PROS1: variants seen among roughly 807,000 people sequenced by gnomAD.
The protein encoded by PROS1 is protein S.
In PROS1, 29 loss-of-function variants were observed where a neutral mutation model predicts 75.9. The observed-to-expected ratio is 0.38, with a 90% confidence interval of 0.28 to 0.52. The LOEUF is 0.52. Among genes scored for constraint, PROS1 ranks in the 20% least tolerant of loss-of-function variants. The pLI is 0.83. For missense variants in PROS1, 680 were observed against 810.3 expected (o/e 0.84, Z 1.95); for synonymous variants, 245 against 280.6 (o/e 0.87, Z 1.27).
chr3:93,971,666 C>CACATA (rs1461716510), intron 1 of PROS1, among the ~76,000 whole-genome samples: 4 of 151,224 alleles, frequency 2.6e-5, no homozygotes, highest in Non-Finnish European at 5.9e-5. Flanking sequence ...CACACACACA[C>CACATA]ACACATAAAT....
At position 93,973,831 on chromosome 3, in the gene PROS1, C is replaced by T; in HGVS notation, c.-82G>A. On this transcript the variant is annotated 5_prime_UTR_variant, in exon 1 of 15. Transcript: ENST00000394236. ...GCGCTAGGCGCCGCGGAGCTGCGAG[C>T]CTGTGCGCCTCGGTCTGAGCCGTGC... 1 of 1,252,102 alleles carries T rather than the reference C, an allele frequency of 8.0e-7. No homozygotes were observed. Among genetic ancestry groups the T allele is most frequent in the South Asian group, 1.4e-5 (1 of 69,356 alleles). The allele number at this position is 1,252,102 out of a possible 1,614,324, so 77.6% of individuals were successfully genotyped here.
At chr3:93,909,965 A>T (rs1708735808) in intron 4 of PROS1, among the ~76,000 whole-genome samples, 1 of 152,196 alleles carries the variant, frequency 6.6e-6, no homozygotes, top group Admixed American at 6.5e-5. Context: ...ACGTATTCAG[A>T]CAAACTGTAC....
chr3:93,917,330 G>C (rs1708872044), intron 3 of PROS1, among the ~76,000 whole-genome samples: 1 of 152,146 alleles, frequency 6.6e-6, no homozygotes, highest in South Asian at 2.1e-4. Flanking sequence ...TTGAGACAGA[G>C]TCTCTGTCGC....
chr3:93,891,125 T>A (rs1372021468), intron 10 of PROS1, among the ~76,000 whole-genome samples: 1 of 151,914 alleles, frequency 6.6e-6, no homozygotes, highest in Non-Finnish European at 1.5e-5. Flanking sequence ...ATAGTGATGA[T>A]AAATAAATAA....
At chr3:93,888,995 A>G (rs890486303) in intron 10 of PROS1, among the ~76,000 whole-genome samples, 2 of 152,312 alleles carry the variant, frequency 1.3e-5, no homozygotes, top group African/African-American at 4.8e-5. Context: ...CTGCTGCTAC[A>G]CTACTCTGTG....
At chr3:93,916,075 C>G (rs1708843154) in intron 3 of PROS1, among the ~76,000 whole-genome samples, 1 of 152,076 alleles carries the variant, frequency 6.6e-6, no homozygotes, top group African/African-American at 2.4e-5. Flanking sequence ...TGCTAATCAT[C>G]TGGTAAAGGC....
intron 1 of PROS1, among the ~76,000 whole-genome samples, chr3:93,933,104 G>A (rs562786973): frequency 1.3e-3 from 205 of 152,292 alleles, no homozygotes; most frequent in African/African-American, 4.8e-3. Flanking sequence ...TCTGAGAAGA[G>A]AGTCTTTGGC....
intron 1 of PROS1, among the ~76,000 whole-genome samples, chr3:93,966,950 T>C (rs185246511): frequency 3.2e-4 from 49 of 152,326 alleles, no homozygotes; most frequent in Admixed American, 3.2e-3. Context: ...TGACATGAAA[T>C]GTTCCAATTT....
chr3:93,905,991 G>A (rs1288400684), intron 5 of PROS1, 30 bp downstream of exon 5: 1 of 1,613,882 alleles, frequency 6.2e-7, no homozygotes, highest in Non-Finnish European at 8.5e-7. Flanking sequence ...CAATCCTGAT[G>A]AGCTGGGGGG....
chr3:93,969,692 T>G (rs1308177033), intron 1 of PROS1, among the ~76,000 whole-genome samples: 1 of 152,236 alleles, frequency 6.6e-6, no homozygotes, highest in African/African-American at 2.4e-5. Context: ...GCCTGGCTTC[T>G]GTAGGCCTGG....
At chr3:93,938,498 C>T (rs1201849345) in intron 1 of PROS1, among the ~76,000 whole-genome samples, 1 of 152,122 alleles carries the variant, frequency 6.6e-6, no homozygotes, top group Non-Finnish European at 1.5e-5. Flanking sequence ...GTCCCCTGTC[C>T]TCGTCCTCAC....
chr3:93,925,912 A>C (rs1223661901), intron 2 of PROS1, among the ~76,000 whole-genome samples: 1 of 150,760 alleles, frequency 6.6e-6, no homozygotes, highest in East Asian at 2.0e-4. Context: ...TGTCAATGAG[A>C]CCAATGCTAG....
intron 6 of PROS1, among the ~76,000 whole-genome samples, chr3:93,903,943 C>G (rs1576185950): frequency 6.6e-6 from 1 of 151,316 alleles, no homozygotes. Context: ...TTAGGTATAT[C>G]TCCCAATGCT....
intron 2 of PROS1, among the ~76,000 whole-genome samples, chr3:93,924,663 C>CT (rs368011620): frequency 0.036 from 4,917 of 136,636 alleles, 176 homozygotes; most frequent in African/African-American, 0.088. Flanking sequence ...AACGTACTCT[C>CT]TTTTTTTTTT....
intron 1 of PROS1, among the ~76,000 whole-genome samples, chr3:93,938,206 T>C (rs1709219236): frequency 1.3e-5 from 2 of 152,168 alleles, no homozygotes; most frequent in African/African-American, 2.4e-5. Flanking sequence ...AAATTCCTTC[T>C]CCTGGCTCAG....
Position 93,940,580 on chromosome 3 carries a change from C to T in PROS1, c.77-13173G>A, listed in dbSNP as rs1326758704. Among the ~76,000 whole-genome samples the T allele has an allele frequency of 2.0e-5, 3 of 152,256 alleles. No individual in the cohort carries two copies. The East Asian group carries it at 5.8e-4, about 29-fold the overall frequency. ...TCCCAGCTCCCTTATTAGACTGACA[C>T]ATCTTAAGCAAATTATCTGCTTCCC... is the stretch of plus-strand genomic sequence containing the variant. On this transcript the variant is annotated intron_variant, in intron 1 of 14. Transcript: ENST00000394236.
intron 3 of PROS1, among the ~76,000 whole-genome samples, chr3:93,923,538 T>C (rs2107196241): frequency 6.6e-6 from 1 of 152,344 alleles, no homozygotes; most frequent in African/African-American, 2.4e-5. Context: ...GTACAAATTC[T>C]TGCATGTAAC....
chr3:93,897,726 C>T (rs1708525285), intron 8 of PROS1, among the ~76,000 whole-genome samples: 1 of 151,628 alleles, frequency 6.6e-6, no homozygotes, highest in Non-Finnish European at 1.5e-5. Flanking sequence ...TTATGGTCTG[C>T]CTCATAATAA....
At chr3:93,936,879 A>T (rs1277466388) in intron 1 of PROS1, among the ~76,000 whole-genome samples, 1 of 152,346 alleles carries the variant, frequency 6.6e-6, no homozygotes, top group East Asian at 1.9e-4. Context: ...ATGTTTAAAA[A>T]TTTTAAGGAG....
Sources: allele counts gnomAD v4.1 joint callset (sites outside exome capture counted in the v4.1 genomes callset), GRCh38; gene constraint gnomAD v4.1.1; transcripts MANE v1.5; gene names NCBI Gene and HGNC (gene_info 2026-07-23, HGNC 2026-07-21).